The following FBXL17 variants were observed in gnomAD, a reference collection of about 807,000 sequenced individuals.
FBXL17 encodes the protein F-box and leucine rich repeat protein 17.
Under a neutral mutation model 66.2 loss-of-function variants are expected in FBXL17, and 22 were observed. The ratio of observed to expected loss-of-function variants is 0.33; its 90% CI spans 0.24 to 0.47. The LOEUF (loss-of-function observed/expected upper bound fraction) is 0.47. Ranked by LOEUF, FBXL17 falls within the 20% of genes least tolerant of loss-of-function variation. The pLI, the probability that FBXL17 is intolerant of heterozygous loss-of-function variation, is 1.00. For missense variants in FBXL17, 878 were observed against 948.2 expected (o/e 0.93, Z 0.97); for synonymous variants, 474 against 400.5 (o/e 1.18, Z -2.19).
chr5:108,305,261 C>T (rs964259915), intron 4 of FBXL17, among the ~76,000 whole-genome samples: 2 of 151,848 alleles, frequency 1.3e-5, no homozygotes, highest in Admixed American at 6.6e-5. Context: ...ATGATGAGAA[C>T]ACACAGACAC....
At chr5:108,362,802 C>G (rs1036207488) in intron 3 of FBXL17, among the ~76,000 whole-genome samples, 1 of 151,874 alleles carries the variant, frequency 6.6e-6, no homozygotes, top group Non-Finnish European at 1.5e-5. Context: ...TTGGTATCCG[C>G]TAAAGTCAAT....
At chr5:108,224,528 T>TACAC (rs138044828) in intron 4 of FBXL17, among the ~76,000 whole-genome samples, 25,236 of 147,156 alleles carry the variant, frequency 0.17, 2,104 homozygotes, top group South Asian at 0.28. Context: ...TGTATATGTA[T>TACAC]ACACACACAC....
intron 7 of FBXL17, among the ~76,000 whole-genome samples, chr5:107,941,550 C>T (rs1365032459): frequency 6.6e-6 from 1 of 152,168 alleles, no homozygotes; most frequent in East Asian, 1.9e-4. Flanking sequence ...GACACCTTAG[C>T]TCATGTAAAA....
At chr5:108,113,594 A>G (rs1750125555) in intron 6 of FBXL17, among the ~76,000 whole-genome samples, 1 of 152,150 alleles carries the variant, frequency 6.6e-6, no homozygotes, top group Non-Finnish European at 1.5e-5. Context: ...CCGATGGAGG[A>G]CAGCTACTGA....
intron 6 of FBXL17, among the ~76,000 whole-genome samples, chr5:108,076,330 A>G (rs1377056908): frequency 6.6e-6 from 1 of 152,172 alleles, no homozygotes; most frequent in Non-Finnish European, 1.5e-5. Context: ...TTGTCCAGGC[A>G]TTGCCTTCAT....
At position 107,940,316 on chromosome 5, in the gene FBXL17, A is replaced by G. The variant is rs142531100; in HGVS notation, c.1823-59137T>C. Among the ~76,000 whole-genome samples the G allele has an allele frequency of 5.3e-3, 809 of 152,224 alleles. 8 individuals carry two copies. Among genetic ancestry groups the G allele is most frequent in the African/African-American group, 0.019 (780 of 41,548 alleles). ...TGTCTTAGGCACTGTGAAAAATACA[A>G]AGAAAAGTAAGGCCTGAATCCAACT... On this transcript the variant is annotated intron_variant, in intron 7 of 8. Coordinates refer to ENST00000542267, the MANE Select transcript of FBXL17 (RefSeq NM_001163315.3).
intron 6 of FBXL17, among the ~76,000 whole-genome samples, chr5:108,031,193 GA>G (rs772052330): frequency 4.6e-5 from 7 of 151,904 alleles, no homozygotes; most frequent in Non-Finnish European, 8.8e-5. Context: ...CTGTAATGGG[GA>G]AAAAGAAAAG....
chr5:107,961,245 G>A (rs936910288), intron 7 of FBXL17, among the ~76,000 whole-genome samples: 3 of 150,898 alleles, frequency 2.0e-5, no homozygotes, highest in African/African-American at 7.3e-5. Context: ...TTGTTTTTGA[G>A]ACAGGGTCTT....
At chr5:108,114,025 T>A (rs1362761378) in intron 6 of FBXL17, among the ~76,000 whole-genome samples, 1 of 152,192 alleles carries the variant, frequency 6.6e-6, no homozygotes, top group Non-Finnish European at 1.5e-5. Context: ...TTAAACAGAA[T>A]AATCCTTTGT....
chr5:108,073,763 T>C (rs1214438070), intron 6 of FBXL17, among the ~76,000 whole-genome samples: 1 of 152,060 alleles, frequency 6.6e-6, no homozygotes, highest in African/African-American at 2.4e-5. Flanking sequence ...TAAAAGAGCC[T>C]GGCACTTCCT....
chr5:108,236,251 C>T (rs1002114761), intron 4 of FBXL17, among the ~76,000 whole-genome samples: 9 of 151,226 alleles, frequency 6.0e-5, no homozygotes, highest in African/African-American at 2.2e-4. Flanking sequence ...GTGGCTCATG[C>T]CTGTAATCCC....
chr5:108,164,244 C>T (rs1020742047), intron 6 of FBXL17, among the ~76,000 whole-genome samples: 2 of 152,170 alleles, frequency 1.3e-5, no homozygotes, highest in Non-Finnish European at 2.9e-5. Context: ...CGAACCAGGA[C>T]TGTGGTGCAC....
At chr5:108,107,172 A>G (rs1042130351) in intron 6 of FBXL17, among the ~76,000 whole-genome samples, 1 of 152,016 alleles carries the variant, frequency 6.6e-6, no homozygotes, top group African/African-American at 2.4e-5. Flanking sequence ...CCTGGGTTCA[A>G]GCGATTCTCC....
chr5:107,883,994 G>A (rs1340183499), intron 7 of FBXL17, among the ~76,000 whole-genome samples: 6 of 152,148 alleles, frequency 3.9e-5, no homozygotes, highest in South Asian at 2.1e-4. Flanking sequence ...GGTATTCTAC[G>A]TGGCTGAAGT....
chr5:108,117,679 T>C (rs2095744746), intron 6 of FBXL17, among the ~76,000 whole-genome samples: 1 of 152,050 alleles, frequency 6.6e-6, no homozygotes, highest in Non-Finnish European at 1.5e-5. Context: ...TAATAGGTAG[T>C]CCATGAGGAA....
At chr5:108,338,195 A>G (rs2150251705) in intron 4 of FBXL17, among the ~76,000 whole-genome samples, 1 of 44,108 alleles carries the variant, frequency 2.3e-5, no homozygotes, top group Non-Finnish European at 4.3e-5. Context: ...TTACAATGAA[A>G]AGCTAGAACA....
intron 4 of FBXL17, among the ~76,000 whole-genome samples, chr5:108,302,548 A>G (rs553955129): frequency 1.3e-4 from 19 of 151,914 alleles, no homozygotes; most frequent in African/African-American, 4.6e-4. Flanking sequence ...ACAAACAAAG[A>G]CTGAAAAATT....
intron 7 of FBXL17, among the ~76,000 whole-genome samples, chr5:108,012,802 T>C (rs758986444): frequency 1.3e-5 from 2 of 151,986 alleles, no homozygotes; most frequent in Admixed American, 6.6e-5. Flanking sequence ...GATCACCTGA[T>C]GTTGAGAGTT....
intron 4 of FBXL17, among the ~76,000 whole-genome samples, chr5:108,234,108 A>G (rs1383308666): frequency 1.3e-5 from 2 of 152,262 alleles, no homozygotes; most frequent in East Asian, 3.9e-4. Context: ...AGAAGGATAA[A>G]GAGAAGACAG....
Sources: gnomAD v4.1 joint callset for allele counts (sites outside exome capture counted in the v4.1 genomes callset) on GRCh38, gnomAD v4.1.1 for gene constraint, MANE v1.5 for transcripts, NCBI Gene and HGNC (gene_info 2026-07-23, HGNC 2026-07-21) for gene names.